The following DIS3L2 variants were observed in gnomAD, a reference collection of about 807,000 sequenced individuals.
DIS3L2 encodes DIS3-like exonuclease 2.
DIS3L2 carries 34 observed loss-of-function variants against 97.5 expected under a neutral mutation model. That is an observed-to-expected ratio of 0.35 (90% CI 0.27 to 0.46). The LOEUF (loss-of-function observed/expected upper bound fraction) is 0.46. Among genes scored for constraint, DIS3L2 ranks in the 20% least tolerant of loss-of-function variants. The pLI is 1.00. For synonymous variants in DIS3L2, 435 were observed against 445.2 expected (o/e 0.98, Z 0.29); for missense variants, 1,038 against 1,146.0 (o/e 0.91, Z 1.36).
In DIS3L2 at chr2:232,211,706, C is replaced by T. The variant is rs115808745; in HGVS notation, c.1204+1301C>T. 4.6e-3 allele frequency among the ~76,000 whole-genome samples: 693 copies of T among 152,234 alleles called. 3 individuals carry two copies. The highest frequency in any genetic ancestry group is 0.015 in the African/African-American group (625 of 41,526). On this transcript the variant is annotated intron_variant, in intron 10 of 20. Transcript: ENST00000325385. Reference sequence around the variant, plus strand: ...GTTCATATTTCCCACTGACACAGAACGCCGTAGGTTCAGTATGTAATCTCT... The same window carrying T: ...GTTCATATTTCCCACTGACACAGAATGCCGTAGGTTCAGTATGTAATCTCT...
At chr2:232,121,867 A>G (rs1159129962) in intron 6 of DIS3L2, among the ~76,000 whole-genome samples, 1 of 152,082 alleles carries the variant, frequency 6.6e-6, no homozygotes, top group Non-Finnish European at 1.5e-5. Context: ...ACTAGCATCT[A>G]AATATTATAA....
At chr2:232,327,389 T>A (rs901019168) in intron 14 of DIS3L2, among the ~76,000 whole-genome samples, 2 of 152,164 alleles carry the variant, frequency 1.3e-5, no homozygotes, top group African/African-American at 4.8e-5. Context: ...CACCACAGAA[T>A]TGCCTGGATG....
intron 20 of DIS3L2, 31 bp from the exon 21 acceptor site, chr2:232,336,438 C>T (rs1401921190): frequency 6.3e-7 from 1 of 1,598,400 alleles, no homozygotes; most frequent in South Asian, 1.1e-5. Flanking sequence ...GCCCTGCCAT[C>T]CTTGTCCCCT....
chr2:232,333,323 A>AC (rs1172772191), intron 16 of DIS3L2, among the ~76,000 whole-genome samples: 1 of 71,054 alleles, frequency 1.4e-5, no homozygotes, highest in Non-Finnish European at 2.9e-5. Flanking sequence ...CTCCTCCCCC[A>AC]CCCCCCGCCG....
At chr2:232,089,149 G>T (rs1696758271) in intron 6 of DIS3L2, among the ~76,000 whole-genome samples, 1 of 152,232 alleles carries the variant, frequency 6.6e-6, no homozygotes, top group Non-Finnish European at 1.5e-5. Context: ...AGGAGGTAGT[G>T]ATCTGTGAAA....
At chr2:232,311,506 G>T (rs1382943322) in intron 14 of DIS3L2, among the ~76,000 whole-genome samples, 1 of 152,182 alleles carries the variant, frequency 6.6e-6, no homozygotes, top group Non-Finnish European at 1.5e-5. Flanking sequence ...CAGGAGGATT[G>T]CTTGGGGCCC....
intron 14 of DIS3L2, among the ~76,000 whole-genome samples, chr2:232,302,299 A>T (rs1694877452): frequency 6.6e-6 from 1 of 152,034 alleles, no homozygotes; most frequent in Admixed American, 6.6e-5. Context: ...TGATGAGTTA[A>T]TGGGTGCAGC....
chr2:232,018,014 A>C (rs1694404097), intron 3 of DIS3L2, among the ~76,000 whole-genome samples: 1 of 152,186 alleles, frequency 6.6e-6, no homozygotes, highest in Admixed American at 6.6e-5. Context: ...TGCTTAATAC[A>C]TTTATATTGA....
At chr2:232,115,436 A>G (rs901262149) in intron 6 of DIS3L2, among the ~76,000 whole-genome samples, 1 of 152,190 alleles carries the variant, frequency 6.6e-6, no homozygotes, top group Non-Finnish European at 1.5e-5. Flanking sequence ...TACTGAATGA[A>G]TGTACAGTAT....
At chr2:232,005,932 A>C (rs1694041755) in intron 1 of DIS3L2, among the ~76,000 whole-genome samples, 1 of 152,232 alleles carries the variant, frequency 6.6e-6, no homozygotes, top group Admixed American at 6.5e-5. Context: ...TCATGCCTGT[A>C]ATCCCAGCAC....
intron 5 of DIS3L2, among the ~76,000 whole-genome samples, chr2:232,034,340 A>G (rs1694894155): frequency 6.6e-6 from 1 of 152,004 alleles, no homozygotes; most frequent in African/African-American, 2.4e-5. Flanking sequence ...TAATGCGTCT[A>G]TTTGATTCTT....
intron 1 of DIS3L2, among the ~76,000 whole-genome samples, chr2:232,004,943 ATTTCAAGTGTCTTTTCC>A (rs1289159220): frequency 6.6e-6 from 1 of 152,112 alleles, no homozygotes; most frequent in East Asian, 1.9e-4. Context: ...CTCTTCAGTC[ATTTCAAGTGTCTTTTCC>A]TTTACCTCAG....
At chr2:231,966,325 C>T (rs893058861) in intron 1 of DIS3L2, among the ~76,000 whole-genome samples, 37 of 151,870 alleles carry the variant, frequency 2.4e-4, no homozygotes, top group Admixed American at 2.3e-3. Context: ...CACGCCACCA[C>T]GCCTGGCTAA....
intron 10 of DIS3L2, among the ~76,000 whole-genome samples, chr2:232,213,968 G>C (rs1228028163): frequency 6.6e-6 from 1 of 151,974 alleles, no homozygotes; most frequent in African/African-American, 2.4e-5. Context: ...GGATTCTACT[G>C]GTTTCCAACC....
chr2:232,288,263 G>A (rs570976063), intron 13 of DIS3L2, among the ~76,000 whole-genome samples: 8 of 152,226 alleles, frequency 5.3e-5, no homozygotes, highest in East Asian at 3.8e-4. Context: ...TCTTAGCTGC[G>A]TAAGACAGCC....
At chr2:232,044,274 G>C (rs996707343) in intron 5 of DIS3L2, among the ~76,000 whole-genome samples, 1 of 152,162 alleles carries the variant, frequency 6.6e-6, no homozygotes, top group Non-Finnish European at 1.5e-5. Context: ...TTAAAGCAAA[G>C]GGGCAAAATT....
chr2:232,326,717 C>T (rs1190479267), intron 14 of DIS3L2, among the ~76,000 whole-genome samples: 3 of 147,164 alleles, frequency 2.0e-5, no homozygotes, highest in Non-Finnish European at 4.4e-5. Context: ...TGGGCCAGAG[C>T]TCCACAGGTG....
At chr2:232,137,791 C>T (rs1698399180) in intron 8 of DIS3L2, among the ~76,000 whole-genome samples, 1 of 152,162 alleles carries the variant, frequency 6.6e-6, no homozygotes, top group African/African-American at 2.4e-5. Flanking sequence ...TACTTAGGAA[C>T]AGTTGTACTT....
Position 232,343,169 on chromosome 2 carries a change from G to A in DIS3L2, c.1582-176G>A. 9.2e-6 allele frequency: 6 copies of A among 648,660 alleles called. No homozygotes were observed. In the South Asian group the frequency reaches 9.6e-5, roughly 10 times the overall value. The allele number at this position is 648,660 out of a possible 1,614,324, so 40.2% of individuals were successfully genotyped here. A position where few individuals can be genotyped will look rare whatever the true frequency, so the allele number is the denominator to read the frequency against. On this transcript the variant is annotated intron_variant, in intron 13 of 13. Transcript: ENST00000273009. ...TGGCTCATCATCAAAGCAGACTGTT[G>A]ACTAGCTGCAGGCAAATATGAAGAG...
Sources: allele counts gnomAD v4.1 joint callset (sites outside exome capture counted in the v4.1 genomes callset), GRCh38; gene constraint gnomAD v4.1.1; transcripts MANE v1.5; gene names NCBI Gene and HGNC (gene_info 2026-07-23, HGNC 2026-07-21).